The following COL14A1 variants were observed in gnomAD, a reference collection of about 807,000 sequenced individuals.
COL14A1 encodes collagen type XIV alpha 1 chain, also known as collagen alpha-1(XIV) chain.
Under a neutral mutation model 230.3 loss-of-function variants are expected in COL14A1, and 136 were observed. The ratio of observed to expected loss-of-function variants is 0.59; its 90% CI spans 0.51 to 0.68. The LOEUF (loss-of-function observed/expected upper bound fraction) is 0.68. Ranked by LOEUF, COL14A1 falls within the 30% of genes least tolerant of loss-of-function variation. COL14A1 has a pLI of 0.00. For synonymous variants in COL14A1, 792 were observed against 784.1 expected, an observed-to-expected ratio of 1.01 and a Z score of -0.17; for missense variants, 1,976 against 2,215.8, an observed-to-expected ratio of 0.89 and a Z score of 2.17.
intron 45 of COL14A1, among the ~76,000 whole-genome samples, chr8:120,353,473 A>C (rs879590731): frequency 5.5e-4 from 74 of 133,868 alleles, no homozygotes; most frequent in South Asian, 1.1e-3. Flanking sequence ...ATGGGAGAAA[A>C]TTTTCGCAAC....
chr8:120,142,353 C>A (rs1394161107), intron 1 of COL14A1, among the ~76,000 whole-genome samples: 1 of 152,184 alleles, frequency 6.6e-6, no homozygotes, highest in East Asian at 1.9e-4. Context: ...TACAGAAGAG[C>A]TGCTTATACT....
At chr8:120,192,147 T>C (rs1179542797) in intron 5 of COL14A1, among the ~76,000 whole-genome samples, 1 of 152,256 alleles carries the variant, frequency 6.6e-6, no homozygotes, top group Admixed American at 6.5e-5. Context: ...GTCTCAATGG[T>C]CTTTACATTT....
At chr8:120,133,447 C>T (rs1165020229) in intron 1 of COL14A1, among the ~76,000 whole-genome samples, 1 of 151,936 alleles carries the variant, frequency 6.6e-6, no homozygotes, top group Admixed American at 6.6e-5. Flanking sequence ...TCACAATGAT[C>T]AAGTTGGGCT....
chr8:120,333,548 G>T (rs56000268), intron 42 of COL14A1, among the ~76,000 whole-genome samples: 2,274 of 152,368 alleles, frequency 0.015, 51 homozygotes, highest in African/African-American at 0.05. Context: ...AATGTGTGGA[G>T]CAGTGAAATC....
At chr8:120,180,524 G>A (rs1225517517) in intron 5 of COL14A1, among the ~76,000 whole-genome samples, 1 of 152,068 alleles carries the variant, frequency 6.6e-6, no homozygotes, top group African/African-American at 2.4e-5. Flanking sequence ...GCTGGACCTA[G>A]GGTCTCAATC....
At chr8:120,344,799 A>G (rs1586883681) in intron 44 of COL14A1, among the ~76,000 whole-genome samples, 1 of 152,192 alleles carries the variant, frequency 6.6e-6, no homozygotes. Flanking sequence ...ATATCTGTAT[A>G]TATATTTTCC....
intron 2 of COL14A1, among the ~76,000 whole-genome samples, chr8:120,153,782 C>G (rs2130499445): frequency 6.6e-6 from 1 of 152,234 alleles, no homozygotes; most frequent in African/African-American, 2.4e-5. Flanking sequence ...AATAATCAAG[C>G]TTTGAAAAGG....
chr8:120,170,818 A>G (rs28589932), intron 5 of COL14A1, among the ~76,000 whole-genome samples: 2,174 of 152,080 alleles, frequency 0.014, 49 homozygotes, highest in African/African-American at 0.049. Context: ...TAGCTATACC[A>G]CCTTTATTTT....
At chr8:120,194,607 TAAACAGA>T (rs1441805646) in intron 5 of COL14A1, among the ~76,000 whole-genome samples, 1 of 152,166 alleles carries the variant, frequency 6.6e-6, no homozygotes, top group African/African-American at 2.4e-5. Flanking sequence ...ATGAGCTAAA[TAAACAGA>T]AAATATCTAT....
intron 26 of COL14A1, among the ~76,000 whole-genome samples, chr8:120,277,012 C>T (rs748068312): frequency 1.8e-4 from 27 of 151,678 alleles, no homozygotes; most frequent in Admixed American, 4.6e-4. Context: ...ACAAAGCTCT[C>T]GAAAGATGCT....
chr8:120,273,007 A>G (rs1819720296), intron 26 of COL14A1, among the ~76,000 whole-genome samples: 1 of 151,818 alleles, frequency 6.6e-6, no homozygotes, highest in South Asian at 2.1e-4. Context: ...TCACATCAGC[A>G]TATGGAACAT....
rs1819927742 is a variant in COL14A1 at position 120,278,528 on chromosome 8, G to C, written c.3431G>C (p.Gly1144Ala). The change falls in exon 28 of 48, where the codon GGA (glycine) becomes GCA (alanine). Residue 1144 changes from glycine (G) to alanine (A), a missense_variant. By Grantham distance (60) the Gly-to-Ala change is moderately conservative. This residue lies in a region of COL14A1 where 1,791 missense variants were observed against 2,019.5 expected (regional missense o/e 0.89). Transcript: ENST00000297848. ...AAGGTTATCGTGGTTATAACTGATGGAAGATCACAAGATGATGTGAACAAA... is the reference window on the plus strand; with the variant it reads ...AAGGTTATCGTGGTTATAACTGATGCAAGATCACAAGATGATGTGAACAAA... ...IPKVIVVITDGRSQDDVNKIS... is the reference protein window; with the variant it reads ...IPKVIVVITDARSQDDVNKIS... 1 of 1,612,972 alleles carries C rather than the reference G, an allele frequency of 6.2e-7. No individual in the cohort carries two copies. The highest frequency in any genetic ancestry group is 1.1e-5 in the South Asian group (1 of 91,012).
intron 5 of COL14A1, among the ~76,000 whole-genome samples, chr8:120,177,886 C>G (rs1816336175): frequency 6.6e-6 from 1 of 151,572 alleles, no homozygotes; most frequent in African/African-American, 2.4e-5. Flanking sequence ...AAAAGATAGC[C>G]ACATCCATAA....
chr8:120,126,498 G>C (rs1030070303), intron 1 of COL14A1, among the ~76,000 whole-genome samples: 1 of 152,222 alleles, frequency 6.6e-6, no homozygotes. Flanking sequence ...GCAGCTGAAG[G>C]GGGTGGGAGT....
At position 120,314,421 on chromosome 8, in the gene COL14A1, A is replaced by G. The variant is rs77540787; in HGVS notation, c.4551+394A>G. On this transcript the variant is annotated intron_variant, in intron 38 of 47. Coordinates refer to ENST00000297848, the MANE Select transcript of COL14A1 (RefSeq NM_021110.4). ...CTGCTGATATAAATTAATAAAAGCCATTTATTCATGATCCTTATCTCAAAT... is the reference window on the plus strand; with the variant it reads ...CTGCTGATATAAATTAATAAAAGCCGTTTATTCATGATCCTTATCTCAAAT... 3.5e-3 allele frequency among the ~76,000 whole-genome samples: 540 copies of G among 152,338 alleles called. 5 individuals carry two copies. The highest frequency in any genetic ancestry group is 0.034 in the East Asian group (174 of 5,184).
chr8:120,281,394 C>T (rs886229656), intron 31 of COL14A1, among the ~76,000 whole-genome samples: 2 of 151,758 alleles, frequency 1.3e-5, no homozygotes, highest in Admixed American at 6.6e-5. Context: ...AGAGTCTCTA[C>T]AAAAACATAA....
Position 120,133,203 on chromosome 8 carries a change from G to A in COL14A1, c.-38+7863G>A, listed in dbSNP as rs557088922. Reference sequence around the variant, plus strand: ...TGCACTCCAGCCTGGGCGACAGAGCGAAACTCCGTCTCAAACAAAAAAAAA... The same window carrying A: ...TGCACTCCAGCCTGGGCGACAGAGCAAAACTCCGTCTCAAACAAAAAAAAA... On this transcript the variant is annotated intron_variant, in intron 1 of 47. Coordinates refer to ENST00000297848, the MANE Select transcript of COL14A1 (RefSeq NM_021110.4). Among the ~76,000 whole-genome samples, 381 of 143,698 alleles carry A rather than the reference G, an allele frequency of 2.7e-3. 2 individuals carry two copies. The highest frequency in any genetic ancestry group is 8.3e-3 in the African/African-American group (320 of 38,740). 94.3% of individuals were successfully genotyped at this position (143,698 alleles called of 152,430 possible).
chr8:120,351,948 T>A (rs1484517480), intron 45 of COL14A1, among the ~76,000 whole-genome samples: 1 of 91,042 alleles, frequency 1.1e-5, no homozygotes, highest in Admixed American at 1.2e-4. Context: ...AAGAGAATTT[T>A]AGACCAATAT....
In COL14A1 at chr8:120,348,234, CAT is replaced by C. The variant is rs550578565; in HGVS notation, c.5077+2680_5077+2681del. 1.1e-3 allele frequency among the ~76,000 whole-genome samples: 158 copies of C among 145,466 alleles called. 1 individual carries two copies. Among genetic ancestry groups the C allele is most frequent in the South Asian group, 5.0e-3 (23 of 4,608 alleles). ...GTATATATATGAAGCATATATAAAG[CAT>C]ATATATATGTATATATATGAAGCAT... is the stretch of plus-strand genomic sequence containing the variant. On this transcript the variant is annotated intron_variant, in intron 45 of 47. Coordinates refer to ENST00000297848, the MANE Select transcript of COL14A1 (RefSeq NM_021110.4).
Sources: allele counts gnomAD v4.1 joint callset (sites outside exome capture counted in the v4.1 genomes callset), GRCh38; gene constraint gnomAD v4.1.1; regional missense constraint gnomAD v4.1.1; transcripts MANE v1.5; gene names NCBI Gene and HGNC (gene_info 2026-07-23, HGNC 2026-07-21).